Variants in ARHGAP15 observed in about 807,000 individuals in gnomAD.
ARHGAP15 encodes the protein rho GTPase-activating protein 15.
A neutral mutation model predicts 63.7 loss-of-function variants in ARHGAP15; 51 were observed. The observed-to-expected ratio is 0.80, with a 90% CI of 0.64 to 1.01. The LOEUF (loss-of-function observed/expected upper bound fraction) is 1.01. Among genes scored for constraint, ARHGAP15 ranks in the 50% least tolerant of loss-of-function variants. ARHGAP15 has a pLI of 0.00. For synonymous variants in ARHGAP15, 191 were observed against 193.8 expected, an observed-to-expected ratio of 0.99 and a Z score of 0.12; for missense variants, 560 against 564.6, an observed-to-expected ratio of 0.99 and a Z score of 0.08.
At chr2:143,600,336 C>T (rs1017002148) in intron 11 of ARHGAP15, among the ~76,000 whole-genome samples, 2 of 152,150 alleles carry the variant, frequency 1.3e-5, no homozygotes, top group Admixed American at 6.6e-5. Flanking sequence ...CTTTTAGTCA[C>T]AGGGCCACAT....
Position 143,582,087 on chromosome 2 carries a change from C to T in ARHGAP15, c.1003+25602C>T, listed in dbSNP as rs555470462. 2.0e-5 allele frequency among the ~76,000 whole-genome samples: 3 copies of T among 152,302 alleles called. No individual in the cohort carries two copies. In the South Asian group the frequency reaches 6.2e-4, roughly 32 times the overall value. On this transcript the variant is annotated intron_variant, in intron 11 of 13. Coordinates refer to ENST00000295095, the MANE Select transcript of ARHGAP15 (RefSeq NM_018460.4). ...TAGACGTGATATAAGATGTGCACAT[C>T]TTTCACATTATGAGGCTTTATGTTT...
intron 6 of ARHGAP15, among the ~76,000 whole-genome samples, chr2:143,251,006 A>G (rs969562239): frequency 1.3e-5 from 2 of 152,028 alleles, no homozygotes; most frequent in Admixed American, 1.3e-4. Flanking sequence ...CATTAATTAC[A>G]TTTACCAGTA....
intron 6 of ARHGAP15, among the ~76,000 whole-genome samples, chr2:143,323,202 A>G (rs546229889): frequency 1.3e-5 from 2 of 152,348 alleles, no homozygotes; most frequent in East Asian, 3.9e-4. Flanking sequence ...GAACACGTAC[A>G]GGTTTGTTAC....
intron 13 of ARHGAP15, among the ~76,000 whole-genome samples, chr2:143,732,476 A>G (rs1464707888): frequency 6.6e-6 from 1 of 152,228 alleles, no homozygotes. Context: ...AAATAAAATA[A>G]GATTGATGCT....
At chr2:143,186,774 A>G (rs1190583939) in intron 2 of ARHGAP15, among the ~76,000 whole-genome samples, 2 of 152,196 alleles carry the variant, frequency 1.3e-5, no homozygotes, top group African/African-American at 4.8e-5. Flanking sequence ...GCTCTTGCTG[A>G]GAGTACTAAT....
At chr2:143,486,159 C>G (rs533447378) in intron 8 of ARHGAP15, among the ~76,000 whole-genome samples, 69 of 152,122 alleles carry the variant, frequency 4.5e-4, no homozygotes, top group Middle Eastern at 6.8e-3. Flanking sequence ...AAAAGAATAC[C>G]TAATAAAGTA....
chr2:143,282,374 T>C lies in ARHGAP15; in HGVS notation c.474+31774T>C, dbSNP rs115461138. 3.8e-3 allele frequency among the ~76,000 whole-genome samples: 574 copies of C among 152,098 alleles called. 5 individuals are homozygous for C. The highest frequency in any genetic ancestry group is 0.013 in the African/African-American group (544 of 41,506). On this transcript the variant is annotated intron_variant, in intron 6 of 13. Coordinates refer to ENST00000295095, the MANE Select transcript of ARHGAP15 (RefSeq NM_018460.4). ...AGTTTATAAGGAAAAAGAGGTTTAATAGACTTACAGTTCCACACGGCTGGG... is the reference window on the plus strand; with the variant it reads ...AGTTTATAAGGAAAAAGAGGTTTAACAGACTTACAGTTCCACACGGCTGGG...
intron 12 of ARHGAP15, among the ~76,000 whole-genome samples, chr2:143,644,087 T>C (rs1680745380): frequency 6.6e-6 from 1 of 152,106 alleles, no homozygotes; most frequent in African/African-American, 2.4e-5. Flanking sequence ...GCATAACAGA[T>C]TTATTTAATC....
intron 1 of ARHGAP15, among the ~76,000 whole-genome samples, chr2:143,146,603 A>G (rs1689601079): frequency 1.3e-5 from 2 of 152,184 alleles, no homozygotes; most frequent in South Asian, 2.1e-4. Flanking sequence ...ATATGCAAAC[A>G]TAGGCATGCA....
rs143075104 is a variant in ARHGAP15 at position 143,302,445 on chromosome 2, A to C, written c.474+51845A>C. 3.9e-3 allele frequency among the ~76,000 whole-genome samples: 600 copies of C among 152,188 alleles called. 1 individual carries two copies. The highest frequency in any genetic ancestry group is 0.01 in the Middle Eastern group (3 of 294). ...ACTAAAAATAATTCTGACACTTTATATCCTTTTTGAAAATTTCAGTCCAAT... is the reference window on the plus strand; with the variant it reads ...ACTAAAAATAATTCTGACACTTTATCTCCTTTTTGAAAATTTCAGTCCAAT... On this transcript the variant is annotated intron_variant, in intron 6 of 13. Coordinates refer to ENST00000295095, the MANE Select transcript of ARHGAP15 (RefSeq NM_018460.4).
intron 6 of ARHGAP15, among the ~76,000 whole-genome samples, chr2:143,394,700 T>G (rs1687684197): frequency 6.6e-6 from 1 of 152,154 alleles, no homozygotes; most frequent in African/African-American, 2.4e-5. Context: ...AGTTGAGGAC[T>G]TATGGTAAAG....
At chr2:143,191,340 C>T (rs1189498231) in intron 2 of ARHGAP15, among the ~76,000 whole-genome samples, 2 of 151,986 alleles carry the variant, frequency 1.3e-5, no homozygotes, top group Non-Finnish European at 2.9e-5. Flanking sequence ...TGACTTGGTT[C>T]GTATTTTAAA....
intron 6 of ARHGAP15, among the ~76,000 whole-genome samples, chr2:143,347,502 CTA>C (rs1403054352): frequency 1.3e-5 from 2 of 152,092 alleles, no homozygotes; most frequent in Non-Finnish European, 2.9e-5. Context: ...GCACCTGCCT[CTA>C]TGCTGTATTC....
chr2:143,509,177 G>C (rs2104953966), intron 9 of ARHGAP15, among the ~76,000 whole-genome samples: 1 of 152,312 alleles, frequency 6.6e-6, no homozygotes, highest in East Asian at 1.9e-4. Context: ...AGAGACTTTA[G>C]AATCTGTTAG....
At chr2:143,430,205 A>G (rs1258681810) in intron 6 of ARHGAP15, among the ~76,000 whole-genome samples, 1 of 149,544 alleles carries the variant, frequency 6.7e-6, no homozygotes, top group Non-Finnish European at 1.5e-5. Context: ...TAATCAGCAT[A>G]TATTTACTTA....
At chr2:143,667,847 G>A (rs1016987332) in intron 12 of ARHGAP15, among the ~76,000 whole-genome samples, 1 of 151,894 alleles carries the variant, frequency 6.6e-6, no homozygotes, top group Non-Finnish European at 1.5e-5. Flanking sequence ...AATTAGCCAG[G>A]CTTGGTGGCA....
intron 6 of ARHGAP15, among the ~76,000 whole-genome samples, chr2:143,258,243 GA>G (rs1299960755): frequency 7.0e-6 from 1 of 143,406 alleles, no homozygotes; most frequent in Admixed American, 7.1e-5. Context: ...GAAAGCAAGA[GA>G]AAAAATACAT....
Position 143,657,674 on chromosome 2 carries a change from A to G in ARHGAP15, c.1138+33407A>G, listed in dbSNP as rs1020687440. Among the ~76,000 whole-genome samples the G allele has an allele frequency of 1.9e-4, 29 of 152,358 alleles. No homozygotes were observed. In the Middle Eastern group the frequency reaches 0.014, roughly 71 times the overall value. The stretch of plus-strand genomic sequence containing the variant: ...CTAGCATTTTACCTTGAAAATGAGT[A>G]AACTATTGTTTTGTTCTCTAGTCAT... On this transcript the variant is annotated intron_variant, in intron 12 of 13. Transcript: ENST00000295095.
At chr2:143,757,853 A>C (rs1417810175) in intron 13 of ARHGAP15, among the ~76,000 whole-genome samples, 1 of 152,178 alleles carries the variant, frequency 6.6e-6, no homozygotes, top group African/African-American at 2.4e-5. Context: ...ATAAAAACAA[A>C]GATAAAATCC....
Sources: gnomAD v4.1 joint callset for allele counts (sites outside exome capture counted in the v4.1 genomes callset) on GRCh38, gnomAD v4.1.1 for gene constraint, MANE v1.5 for transcripts, NCBI Gene and HGNC (gene_info 2026-07-23, HGNC 2026-07-21) for gene names.